Variants in GMPS observed in about 807,000 individuals in gnomAD.
GMPS encodes guanosine monophosphate synthase, also known as GMP synthase [glutamine-hydrolyzing].
GMPS carries 15 observed loss-of-function variants against 77.9 expected under a neutral mutation model. That is an observed-to-expected ratio of 0.19 (90% CI 0.13 to 0.30). GMPS has a LOEUF of 0.30. GMPS is among the 10% of genes least tolerant of loss of function. The pLI, the probability that GMPS is intolerant of heterozygous loss-of-function variation, is 1.00. For synonymous variants in GMPS, 224 were observed against 275.9 expected (o/e 0.81, Z 1.86); for missense variants, 590 against 838.8 (o/e 0.70, Z 3.66).
intron 12 of GMPS, among the ~76,000 whole-genome samples, chr3:155,931,465 C>T (rs1755616535): frequency 6.6e-6 from 1 of 152,098 alleles, no homozygotes; most frequent in African/African-American, 2.4e-5. Flanking sequence ...GGATTACAGG[C>T]ATGAACCACT....
At chr3:155,937,363 T>C (rs1755788127) in intron 15 of GMPS, among the ~76,000 whole-genome samples, 1 of 152,240 alleles carries the variant, frequency 6.6e-6, no homozygotes, top group South Asian at 2.1e-4. Context: ...GATCACACTT[T>C]GAGTAGTACT....
At chr3:155,922,794 A>G (rs189817387) in intron 11 of GMPS, among the ~76,000 whole-genome samples, 15 of 152,342 alleles carry the variant, frequency 9.8e-5, no homozygotes, top group Non-Finnish European at 1.8e-4. Context: ...GATGAATGGA[A>G]AAATTCCCCA....
intron 12 of GMPS, among the ~76,000 whole-genome samples, chr3:155,927,008 CCTT>C (rs1755474534): frequency 6.8e-6 from 1 of 147,438 alleles, no homozygotes; most frequent in African/African-American, 2.5e-5. Flanking sequence ...GAGTGAAACT[CCTT>C]CTTAAAAAAA....
intron 12 of GMPS, among the ~76,000 whole-genome samples, chr3:155,927,572 A>C (rs954691042): frequency 9.9e-5 from 15 of 152,168 alleles, no homozygotes; most frequent in African/African-American, 3.4e-4. Flanking sequence ...TTAGTCTCTT[A>C]CCCTTTGAAG....
intron 8 of GMPS, among the ~76,000 whole-genome samples, chr3:155,915,577 T>G (rs752053900): frequency 2.0e-4 from 31 of 152,138 alleles, no homozygotes; most frequent in Non-Finnish European, 3.7e-4. Flanking sequence ...AGTTTTTGTA[T>G]TTTTAGTAGA....
chr3:155,870,308 G>A (rs1753867230), upstream of GMPS, among the ~76,000 whole-genome samples: 1 of 152,234 alleles, frequency 6.6e-6, no homozygotes, highest in East Asian at 1.9e-4. Flanking sequence ...CAAGGTAGCA[G>A]GCAAATCCGG....
chr3:155,884,773 A>G (rs1488733440), intron 1 of GMPS, among the ~76,000 whole-genome samples: 3 of 152,238 alleles, frequency 2.0e-5, no homozygotes, highest in African/African-American at 4.8e-5. Flanking sequence ...ACCCAATTCC[A>G]TGATTAGGGT....
At position 155,898,285 on chromosome 3, in the gene GMPS, G is replaced by GGACAT; in HGVS notation, c.324+246_324+250dup. Among the ~76,000 whole-genome samples the GGACAT allele has an allele frequency of 2.6e-5, 4 of 152,120 alleles. No individual in the cohort carries two copies. In the South Asian group the frequency reaches 8.3e-4, roughly 32 times the overall value. ...AACACTATCCATTTAAAAAAACCTT[G>GGACAT]GACATGCAAATTTACATAAAATTTT... On this transcript the variant is annotated intron_variant, in intron 3 of 15. Transcript: ENST00000496455.
chr3:155,932,293 C>G (rs1755644737), intron 13 of GMPS, among the ~76,000 whole-genome samples: 1 of 151,676 alleles, frequency 6.6e-6, no homozygotes. Context: ...CACACACACA[C>G]ACACACACAC....
chr3:155,892,010 C>T (rs1487822593), intron 1 of GMPS, among the ~76,000 whole-genome samples: 2 of 152,138 alleles, frequency 1.3e-5, no homozygotes, highest in Non-Finnish European at 2.9e-5. Flanking sequence ...AAAGATTACA[C>T]AAGTGGCTAA....
At chr3:155,912,887 T>A (rs1295292922) in intron 7 of GMPS, among the ~76,000 whole-genome samples, 2 of 152,182 alleles carry the variant, frequency 1.3e-5, no homozygotes, top group African/African-American at 4.8e-5. Context: ...TGGGTTAGCC[T>A]AAAACAGGGA....
chr3:155,915,502 A>G (rs1469786620), intron 8 of GMPS, among the ~76,000 whole-genome samples: 2 of 152,090 alleles, frequency 1.3e-5, no homozygotes, highest in African/African-American at 4.8e-5. Context: ...CCAGGGTTCA[A>G]GCGATTCTCC....
At chr3:155,899,535 A>G (rs923806695) in intron 3 of GMPS, among the ~76,000 whole-genome samples, 5 of 152,032 alleles carry the variant, frequency 3.3e-5, no homozygotes, top group African/African-American at 9.7e-5. Context: ...CTACACATGC[A>G]TAGCTTCTTC....
At chr3:155,896,098 C>T (rs1349404315) in intron 2 of GMPS, among the ~76,000 whole-genome samples, 2 of 151,918 alleles carry the variant, frequency 1.3e-5, no homozygotes, top group Admixed American at 6.6e-5. Flanking sequence ...CAAGCTCCGC[C>T]TCCCAGGTTC....
intron 8 of GMPS, among the ~76,000 whole-genome samples, chr3:155,915,562 C>T (rs533320667): frequency 5.3e-5 from 8 of 151,682 alleles, no homozygotes; most frequent in African/African-American, 1.7e-4. Context: ...CCACCATGCC[C>T]GGCTAGTTTT....
intron 1 of GMPS, among the ~76,000 whole-genome samples, chr3:155,884,459 A>G (rs1324907232): frequency 6.6e-6 from 1 of 152,134 alleles, no homozygotes; most frequent in East Asian, 1.9e-4. Flanking sequence ...AACAGTGCCA[A>G]CTTTTCGTAG....
rs183240611 is a variant in GMPS, at chr3:155,941,265, G to A, written c.*3573G>A. 9.4e-4 allele frequency: 165 copies of A among 176,398 alleles called. 4 individuals carry two copies. In the East Asian group the frequency reaches 0.015, roughly 16 times the overall value. 10.9% of individuals were successfully genotyped at this position (176,398 alleles called of 1,614,324 possible). A position where few individuals can be genotyped will look rare whatever the true frequency, so the allele number is the denominator to read the frequency against. On this transcript the variant is annotated 3_prime_UTR_variant, in exon 16 of 16. Transcript: ENST00000496455. ...TAAAAATACAACAAATTAGCTGGGC[G>A]CGGTGGCGGGTGCCTGTAGTCCCAG...
At chr3:155,903,756 G>A (rs1754790944) in intron 3 of GMPS, 107 bp from the exon 4 acceptor site, 9 of 540,668 alleles carry the variant, frequency 1.7e-5, no homozygotes, top group African/African-American at 3.8e-5. Flanking sequence ...GGGGATACAG[G>A]TATATCAGGT....
At chr3:155,932,311 C>G (rs1755646864) in intron 13 of GMPS, among the ~76,000 whole-genome samples, 1 of 151,744 alleles carries the variant, frequency 6.6e-6, no homozygotes. Flanking sequence ...CACACACACA[C>G]ACACCCCTAC....
Sources: allele counts gnomAD v4.1 joint callset (sites outside exome capture counted in the v4.1 genomes callset), GRCh38; gene constraint gnomAD v4.1.1; transcripts MANE v1.5; gene names NCBI Gene and HGNC (gene_info 2026-07-23, HGNC 2026-07-21).